The following SOBP variants were observed in gnomAD, a reference collection of about 807,000 sequenced individuals.
SOBP encodes sine oculis binding protein homolog.
In SOBP, 4 loss-of-function variants were observed where a neutral mutation model predicts 53.6. The ratio of observed to expected loss-of-function variants is 0.07; its 90% CI spans 0.04 to 0.17. SOBP has a LOEUF of 0.17. Ranked by LOEUF, SOBP falls within the 10% of genes least tolerant of loss-of-function variation. The pLI is 1.00. For synonymous variants in SOBP, 584 were observed against 522.6 expected, an observed-to-expected ratio of 1.12 and a Z score of -1.60; for missense variants, 1,088 against 1,204.7, an observed-to-expected ratio of 0.90 and a Z score of 1.43.
chr6:107,494,148 A>G (rs939601084), intron 1 of SOBP, among the ~76,000 whole-genome samples: 1 of 152,222 alleles, frequency 6.6e-6, no homozygotes, highest in African/African-American at 2.4e-5. Context: ...TGTACTTACA[A>G]TTAGTCTGCC....
intron 3 of SOBP, among the ~76,000 whole-genome samples, chr6:107,518,136 A>G (rs1783375097): frequency 6.6e-6 from 1 of 152,244 alleles, no homozygotes; most frequent in Non-Finnish European, 1.5e-5. Flanking sequence ...TGTATAAAGA[A>G]TCTCTGTAAA....
chr6:107,597,663 ATT>A (rs1041078974), intron 5 of SOBP, among the ~76,000 whole-genome samples: 10 of 152,276 alleles, frequency 6.6e-5, no homozygotes, highest in African/African-American at 1.9e-4. Context: ...TTGTAATGGA[ATT>A]TTTATTTTCA....
chr6:107,593,184 C>T (rs1785820882), intron 5 of SOBP, among the ~76,000 whole-genome samples: 1 of 152,194 alleles, frequency 6.6e-6, no homozygotes, highest in Non-Finnish European at 1.5e-5. Flanking sequence ...GACCATCTCC[C>T]CTCCTTTCCC....
intron 5 of SOBP, among the ~76,000 whole-genome samples, chr6:107,632,808 G>C (rs1184560895): frequency 6.6e-6 from 1 of 152,210 alleles, no homozygotes; most frequent in Admixed American, 6.5e-5. Flanking sequence ...TCTGGTGTTT[G>C]AAAAGTTGTT....
At chr6:107,534,871 G>T (rs1583183565) in intron 4 of SOBP, among the ~76,000 whole-genome samples, 1 of 152,186 alleles carries the variant, frequency 6.6e-6, no homozygotes, top group African/African-American at 2.4e-5. Flanking sequence ...GAAGAATGAT[G>T]CACGGGAGAC....
At chr6:107,647,197 A>G (rs1339562430) in intron 6 of SOBP, among the ~76,000 whole-genome samples, 1 of 152,214 alleles carries the variant, frequency 6.6e-6, no homozygotes, top group Non-Finnish European at 1.5e-5. Context: ...TTCTACATGT[A>G]GGCAGTGTTT....
At chr6:107,636,179 C>A (rs73762292) in intron 6 of SOBP, 2 of 157,766 alleles carry the variant, frequency 1.3e-5, no homozygotes, top group Non-Finnish European at 2.8e-5. Context: ...CTCTCTCCCC[C>A]TTTTGGGGCC....
At chr6:107,604,290 A>G (rs1416207418) in intron 5 of SOBP, among the ~76,000 whole-genome samples, 2 of 152,174 alleles carry the variant, frequency 1.3e-5, no homozygotes, top group African/African-American at 4.8e-5. Context: ...CTGGTATCCT[A>G]TTAGTATTCC....
chr6:107,554,664 A>G (rs1465329745), intron 4 of SOBP, among the ~76,000 whole-genome samples: 1 of 152,200 alleles, frequency 6.6e-6, no homozygotes, highest in African/African-American at 2.4e-5. Context: ...AACACAAAGG[A>G]CACAGAGTGG....
Position 107,595,734 on chromosome 6 carries a change from C to T in SOBP, c.669+8559C>T, listed in dbSNP as rs529803848. The stretch of plus-strand genomic sequence containing the variant: ...TAGAAGAACAAGCTAATGAAAGTCT[C>T]TTGAGAGGAAAAGGGAAAGAGTATA... On this transcript the variant is annotated intron_variant, in intron 5 of 6. Coordinates refer to ENST00000317357, the MANE Select transcript of SOBP (RefSeq NM_018013.4). Among the ~76,000 whole-genome samples the T allele has an allele frequency of 4.6e-5, 7 of 152,038 alleles. No individual in the cohort carries two copies. In the South Asian group the frequency reaches 8.3e-4, roughly 18 times the overall value.
At position 107,634,556 on chromosome 6, in the gene SOBP, C is replaced by G. The variant is rs770196111; in HGVS notation, c.1712C>G (p.Ala571Gly). The G allele has an allele frequency of 1.2e-6, 2 of 1,607,030 alleles. No individual in the cohort carries two copies. The highest frequency in any genetic ancestry group is 1.7e-6 in the Non-Finnish European group (2 of 1,179,744). Residue 571 changes from alanine (A) to glycine (G), a missense_variant, in exon 6 of 7, where the codon GCG becomes GGG. Physicochemically the swap from Ala to Gly is moderately conservative, Grantham distance 60. This residue lies in a region of SOBP where 665 missense variants were observed against 629.7 expected (regional missense o/e 1.06). Transcript: ENST00000317357. The surrounding 1 kb of genome is among the most constrained non-coding windows in gnomAD (Gnocchi z 4.5). ...NFIPNAPGDS[A>G]AAGGKPSGHS... ...ATTCCGAACGCCCCTGGCGACTCCG[C>G]GGCGGCGGGCGGCAAGCCAAGCGGA...
intron 5 of SOBP, 81 bp from the exon 6 acceptor site, chr6:107,633,433 C>A (rs1252201521): frequency 1.9e-6 from 3 of 1,565,690 alleles, no homozygotes; most frequent in Non-Finnish European, 1.8e-6. Flanking sequence ...TTAAAAGAAC[C>A]TTTATGTGAA....
rs1772249346 is a variant in SOBP, at chr6:107,660,415, G to A, written c.*2212G>A. 6.6e-6 allele frequency among the ~76,000 whole-genome samples: 1 copy of A among 152,188 alleles called. No individual in the cohort carries two copies. Among genetic ancestry groups the A allele is most frequent in the Non-Finnish European group, 1.5e-5 (1 of 68,034 alleles). On this transcript the variant is annotated 3_prime_UTR_variant, in exon 7 of 7. Coordinates refer to ENST00000317357, the MANE Select transcript of SOBP (RefSeq NM_018013.4). ...ATCACTGACAGCACACAGTGCATGG[G>A]AAGTGAGTGTTTAGGCTGTAGACCC... is the stretch of plus-strand genomic sequence containing the variant.
chr6:107,490,567 C>G lies in SOBP; in HGVS notation c.-50C>G. 1.4e-6 allele frequency: 2 copies of G among 1,400,408 alleles called. No homozygotes were observed. Among genetic ancestry groups the G allele is most frequent in the Non-Finnish European group, 2.0e-6 (2 of 1,010,762 alleles). The allele number at this position is 1,400,408 out of a possible 1,614,324, so 86.7% of individuals were successfully genotyped here. ...GCCGCCGCCGCCGCCACCACCACCG[C>G]CGGCGGCGGCAGCAGCCATTTCATC... On this transcript the variant is annotated 5_prime_UTR_variant, in exon 1 of 7. Transcript: ENST00000317357.
intron 6 of SOBP, among the ~76,000 whole-genome samples, chr6:107,649,896 C>G (rs1583312223): frequency 6.6e-6 from 1 of 152,108 alleles, no homozygotes; most frequent in South Asian, 2.1e-4. Context: ...CTTCGCCCCT[C>G]AGAAACTTTT....
intron 5 of SOBP, among the ~76,000 whole-genome samples, chr6:107,613,904 A>C (rs190099883): frequency 6.6e-6 from 1 of 152,328 alleles, no homozygotes; most frequent in East Asian, 1.9e-4. Context: ...CAAAGGTAGA[A>C]TATACCTAAG....
At chr6:107,550,737 G>A (rs1784437815) in intron 4 of SOBP, among the ~76,000 whole-genome samples, 1 of 152,116 alleles carries the variant, frequency 6.6e-6, no homozygotes. Flanking sequence ...GGACGGTGAG[G>A]CTCAAAAAAG....
chr6:107,603,540 A>T (rs1445912010), intron 5 of SOBP, among the ~76,000 whole-genome samples: 1 of 152,196 alleles, frequency 6.6e-6, no homozygotes, highest in African/African-American at 2.4e-5. Context: ...ATATGAACTG[A>T]TGTTTACAGA....
chr6:107,626,830 C>G (rs1406526697), intron 5 of SOBP, among the ~76,000 whole-genome samples: 1 of 151,638 alleles, frequency 6.6e-6, no homozygotes, highest in East Asian at 1.9e-4. Flanking sequence ...CAGGCAGGGT[C>G]GTCACTGTGG....
Sources: gnomAD v4.1 joint callset for allele counts (sites outside exome capture counted in the v4.1 genomes callset) on GRCh38, gnomAD v4.1.1 for gene constraint, gnomAD v4.1.1 regional missense constraint, Gnocchi (gnomAD v3.1) non-coding constraint, MANE v1.5 for transcripts, NCBI Gene and HGNC (gene_info 2026-07-23, HGNC 2026-07-21) for gene names.